Variants in ATP13A4 observed in about 807,000 individuals in gnomAD.
ATP13A4 encodes ATPase 13A4.
Under a neutral mutation model 142.5 loss-of-function variants are expected in ATP13A4, and 114 were observed. That is an observed-to-expected ratio of 0.80 (90% confidence interval 0.69 to 0.93). The LOEUF is 0.93. Among genes scored for constraint, ATP13A4 ranks in the 40% least tolerant of loss-of-function variants. The pLI, the probability that ATP13A4 is intolerant of heterozygous loss-of-function variation, is 0.00. For missense variants in ATP13A4, 1,392 were observed against 1,454.0 expected (o/e 0.96, Z 0.69); for synonymous variants, 488 against 514.8 (o/e 0.95, Z 0.70).
rs140219304 is a variant in ATP13A4 at position 193,566,212 on chromosome 3, G to A, written n.291+15495C>T. 1.9e-3 allele frequency among the ~76,000 whole-genome samples: 294 copies of A among 152,170 alleles called. 1 individual carries two copies. The highest frequency in any genetic ancestry group is 6.9e-3 in the African/African-American group (286 of 41,516). On this transcript the variant is annotated intron_variant and non_coding_transcript_variant, in intron 2 of 3. Coordinates refer to the ATP13A4 transcript ENST00000489140. ...CTTGTTCTCCTAACCTACTCTTTTT[G>A]CTACCTCCCTAAATTCCACTTTCCC...
At chr3:193,434,751 T>C (rs374396712) in intron 24 of ATP13A4, among the ~76,000 whole-genome samples, 21 of 152,192 alleles carry the variant, frequency 1.4e-4, no homozygotes, top group African/African-American at 4.8e-4. Flanking sequence ...TAATCTCACA[T>C]GTTGAGTTCA....
At chr3:193,414,522 G>C (rs1209979035) in intron 26 of ATP13A4, 57 bp downstream of exon 26, 1 of 1,595,722 alleles carries the variant, frequency 6.3e-7, no homozygotes, top group South Asian at 1.1e-5. Context: ...ATATTGGCCA[G>C]AGGATGTTTG....
At chr3:193,528,145 T>TAC (rs1722113941) in intron 1 of ATP13A4, among the ~76,000 whole-genome samples, 1 of 152,214 alleles carries the variant, frequency 6.6e-6, no homozygotes, top group Non-Finnish European at 1.5e-5. Context: ...TTGTGCAGAC[T>TAC]ACCTGCTTAA....
chr3:193,489,241 A>G (rs1180726392), intron 7 of ATP13A4, among the ~76,000 whole-genome samples: 1 of 152,156 alleles, frequency 6.6e-6, no homozygotes, highest in Non-Finnish European at 1.5e-5. Context: ...CAACCAACCA[A>G]TCTGTTCTAT....
At chr3:193,577,257 G>A (rs142899524) in intron 2 of ATP13A4, among the ~76,000 whole-genome samples, 1 of 152,318 alleles carries the variant, frequency 6.6e-6, no homozygotes, top group African/African-American at 2.4e-5. Context: ...AAAGCACTCT[G>A]TGATCTGTTC....
intron 25 of ATP13A4, among the ~76,000 whole-genome samples, chr3:193,429,487 AT>A (rs1332220350): frequency 2.0e-5 from 3 of 152,128 alleles, no homozygotes; most frequent in African/African-American, 7.2e-5. Flanking sequence ...GTTCTGATGC[AT>A]GTTACAAAAT....
At chr3:193,558,070 A>G (rs1433506855), upstream of ATP13A4, among the ~76,000 whole-genome samples, 1 of 152,220 alleles carries the variant, frequency 6.6e-6, no homozygotes, top group African/African-American at 2.4e-5. Flanking sequence ...ACAGAGTGAC[A>G]ATAACATGGA....
intron 2 of ATP13A4, among the ~76,000 whole-genome samples, chr3:193,513,398 T>C (rs1280747340): frequency 6.6e-6 from 1 of 152,234 alleles, no homozygotes; most frequent in Non-Finnish European, 1.5e-5. Flanking sequence ...TTGGTTGTCA[T>C]TCGGGGCCAT....
At chr3:193,436,920 C>T (rs570682483) in intron 23 of ATP13A4, among the ~76,000 whole-genome samples, 135 of 141,676 alleles carry the variant, frequency 9.5e-4, no homozygotes, top group African/African-American at 3.7e-3. Context: ...CCGGCTAAAA[C>T]GGCGAAACCC....
At position 193,412,115 on chromosome 3, in the gene ATP13A4, C is replaced by A. The variant is rs139507965; in HGVS notation, c.3208+63G>T. On this transcript the variant is annotated intron_variant, in intron 27 of 29. Transcript: ENST00000342695. Reference sequence around the variant, plus strand: ...ACTCTAAAGCTGTTCCCTAAGTGACCTGGACATGTCTGTTCCCCTCTCTGA... The same window carrying A: ...ACTCTAAAGCTGTTCCCTAAGTGACATGGACATGTCTGTTCCCCTCTCTGA... The A allele has an allele frequency of 6.2e-6, 9 of 1,448,020 alleles. No homozygotes were observed. The East Asian group carries it at 1.4e-4, about 22-fold the overall frequency. The allele number at this position is 1,448,020 out of a possible 1,614,324, so 89.7% of individuals were successfully genotyped here.
intron 1 of ATP13A4, among the ~76,000 whole-genome samples, chr3:193,523,028 T>C (rs2011455): frequency 0.18 from 27,681 of 152,138 alleles, 2,601 homozygotes; most frequent in East Asian, 0.24. Context: ...CTCAGCCAGG[T>C]GTGGTGGCTT....
At chr3:193,561,318 C>T (rs1447938051) in intron 2 of ATP13A4, among the ~76,000 whole-genome samples, 1 of 152,194 alleles carries the variant, frequency 6.6e-6, no homozygotes, top group Non-Finnish European at 1.5e-5. Flanking sequence ...AAATCAAGAA[C>T]AGGTTCCTGG....
At chr3:193,505,054 C>T (rs1720784780) in intron 2 of ATP13A4, among the ~76,000 whole-genome samples, 1 of 152,132 alleles carries the variant, frequency 6.6e-6, no homozygotes, top group African/African-American at 2.4e-5. Context: ...ATTGCTCAAG[C>T]CAGTCTGAAA....
At chr3:193,573,028 C>G (rs1252938474) in intron 2 of ATP13A4, among the ~76,000 whole-genome samples, 1 of 3,928 alleles carries the variant, frequency 2.5e-4, no homozygotes, top group Non-Finnish European at 4.4e-4. Flanking sequence ...CCCAGTTACT[C>G]GGGGTGGGGG....
chr3:193,560,064 G>T (rs1723981985), intron 2 of ATP13A4, among the ~76,000 whole-genome samples: 1 of 152,126 alleles, frequency 6.6e-6, no homozygotes, highest in Non-Finnish European at 1.5e-5. Context: ...CTGGGCCTTA[G>T]AAATTACTAA....
At chr3:193,451,226 G>A (rs1264866143) in intron 17 of ATP13A4, among the ~76,000 whole-genome samples, 1 of 152,170 alleles carries the variant, frequency 6.6e-6, no homozygotes, top group East Asian at 1.9e-4. Flanking sequence ...CAGGCCCCAG[G>A]CCTTGGTTAT....
intron 8 of ATP13A4, among the ~76,000 whole-genome samples, chr3:193,477,133 T>C (rs1306329487): frequency 6.6e-6 from 1 of 152,102 alleles, no homozygotes; most frequent in Non-Finnish European, 1.5e-5. Flanking sequence ...ATATGTATCA[T>C]AAGTATGTCT....
chr3:193,459,018 T>A, intron 14 of ATP13A4, 63 bp downstream of exon 14: 6 of 1,594,790 alleles, frequency 3.8e-6, no homozygotes, highest in Non-Finnish European at 5.2e-6. Context: ...ATAGCTCTGA[T>A]ATTGCCTATG....
chr3:193,491,076 T>C (rs749730555), intron 6 of ATP13A4, among the ~76,000 whole-genome samples: 1 of 152,126 alleles, frequency 6.6e-6, no homozygotes. Context: ...AAAAGAAACA[T>C]TATATTCATC....
Sources: allele counts gnomAD v4.1 joint callset (sites outside exome capture counted in the v4.1 genomes callset), GRCh38; gene constraint gnomAD v4.1.1; transcripts MANE v1.5; gene names NCBI Gene and HGNC (gene_info 2026-07-23, HGNC 2026-07-21).